TCERG1L: variants seen among roughly 807,000 people sequenced by gnomAD.
TCERG1L encodes the protein transcription elongation regulator 1-like protein.
A neutral mutation model predicts 56.3 loss-of-function variants in TCERG1L; 37 were observed. That is an observed-to-expected ratio of 0.66 (90% CI 0.51 to 0.87). The LOEUF (loss-of-function observed/expected upper bound fraction) is 0.87, where lower values mean the gene tolerates loss of function less well. TCERG1L is among the 40% of genes least tolerant of loss of function. The pLI is 0.00. For synonymous variants in TCERG1L, 324 were observed against 326.3 expected, an observed-to-expected ratio of 0.99 and a Z score of 0.08; for missense variants, 799 against 774.2, an observed-to-expected ratio of 1.03 and a Z score of -0.38.
At chr10:131,150,938 C>A (rs11017764) in intron 6 of TCERG1L, among the ~76,000 whole-genome samples, 1 of 152,080 alleles carries the variant, frequency 6.6e-6, no homozygotes, top group African/African-American at 2.4e-5. Context: ...GAATGAGTGC[C>A]AGCAGGGGAA....
Position 131,267,227 on chromosome 10 carries a change from G to A in TCERG1L, c.671-6783C>T, listed in dbSNP as rs918616320. ...GGTGCCCAAAGTCCAGAGAATCTGAGGCAGCAGGGCACTGCACATGAGCAC... is the reference window on the plus strand; with the variant it reads ...GGTGCCCAAAGTCCAGAGAATCTGAAGCAGCAGGGCACTGCACATGAGCAC... On this transcript the variant is annotated intron_variant, in intron 3 of 11. Transcript: ENST00000368642. The surrounding 1 kb of genome is among the most constrained non-coding windows in gnomAD (Gnocchi z 4.9). 6.6e-6 allele frequency among the ~76,000 whole-genome samples: 1 copy of A among 152,140 alleles called. No individual in the cohort carries two copies. Among genetic ancestry groups the A allele is most frequent in the Non-Finnish European group, 1.5e-5 (1 of 67,978 alleles).
chr10:131,160,316 A>G (rs1845963569), intron 6 of TCERG1L, among the ~76,000 whole-genome samples: 1 of 152,136 alleles, frequency 6.6e-6, no homozygotes, highest in Admixed American at 6.5e-5. Context: ...CAGACCAGGA[A>G]GGCCTGTAGG....
intron 4 of TCERG1L, among the ~76,000 whole-genome samples, chr10:131,204,491 G>A (rs1845494206): frequency 6.8e-6 from 1 of 146,130 alleles, no homozygotes; most frequent in Admixed American, 7.0e-5. Flanking sequence ...ATGCCAGAAA[G>A]CACCTGTCAA....
At chr10:131,307,192 C>A (rs371465406) in intron 3 of TCERG1L, among the ~76,000 whole-genome samples, 2 of 152,176 alleles carry the variant, frequency 1.3e-5, no homozygotes, top group African/African-American at 2.4e-5. Flanking sequence ...ATGTACCATG[C>A]TCACTCAGAT....
intron 9 of TCERG1L, among the ~76,000 whole-genome samples, chr10:131,109,094 C>T (rs1845384699): frequency 6.6e-6 from 1 of 152,070 alleles, no homozygotes; most frequent in South Asian, 2.1e-4. Flanking sequence ...GAGGGTGGTG[C>T]TTAGAACCCC....
At chr10:131,106,932 G>A (rs1170029711) in intron 9 of TCERG1L, among the ~76,000 whole-genome samples, 1 of 152,172 alleles carries the variant, frequency 6.6e-6, no homozygotes, top group African/African-American at 2.4e-5. Context: ...GGATGACCCA[G>A]GGTCCAGCTA....
At chr10:131,235,028 C>T (rs1209840906) in intron 4 of TCERG1L, among the ~76,000 whole-genome samples, 1 of 152,194 alleles carries the variant, frequency 6.6e-6, no homozygotes, top group African/African-American at 2.4e-5. Flanking sequence ...CAGAGGGCAG[C>T]TGCCACATGA....
chr10:131,259,464 G>A (rs576209882), intron 4 of TCERG1L, among the ~76,000 whole-genome samples: 3 of 152,320 alleles, frequency 2.0e-5, no homozygotes, highest in African/African-American at 7.2e-5. Flanking sequence ...TAATGGTGCT[G>A]TTCCTAAGTT....
chr10:131,276,600 G>A (rs553932564), intron 3 of TCERG1L, among the ~76,000 whole-genome samples: 2 of 152,296 alleles, frequency 1.3e-5, no homozygotes, highest in African/African-American at 4.8e-5. Context: ...TTTAGACAGC[G>A]ATGCAATCAG....
intron 3 of TCERG1L, among the ~76,000 whole-genome samples, chr10:131,302,351 A>T (rs996897522): frequency 6.7e-6 from 1 of 149,224 alleles, no homozygotes; most frequent in Admixed American, 6.6e-5. Context: ...TTTTTTTTTT[A>T]AAGGGGAGAT....
Position 131,260,523 on chromosome 10 carries a change from G to A in TCERG1L, c.671-79C>T. 7.6e-7 allele frequency: 1 copy of A among 1,310,690 alleles called. No individual in the cohort carries two copies. The highest frequency in any genetic ancestry group is 9.7e-7 in the Non-Finnish European group (1 of 1,028,396). 81.2% of individuals were successfully genotyped at this position (1,310,690 alleles called of 1,614,324 possible). ...ACAGATGCCCATCTCGCTACCGCAA[G>A]ATATCAGCCCCCAGAAAACAGGTGA... is the stretch of plus-strand genomic sequence containing the variant. On this transcript the variant is annotated intron_variant, in intron 3 of 11. Coordinates refer to ENST00000368642, the MANE Select transcript of TCERG1L (RefSeq NM_174937.4). This position sits in a 1 kb window ranked among gnomAD's most constrained non-coding sequence, Gnocchi z 5.8.
At chr10:131,158,167 A>T (rs1425858512) in intron 6 of TCERG1L, among the ~76,000 whole-genome samples, 1 of 152,258 alleles carries the variant, frequency 6.6e-6, no homozygotes, top group Non-Finnish European at 1.5e-5. Flanking sequence ...GGATTCACTG[A>T]GCTCTAGCAG....
intron 3 of TCERG1L, among the ~76,000 whole-genome samples, chr10:131,304,351 A>G (rs957447868): frequency 6.6e-6 from 1 of 151,788 alleles, no homozygotes. Context: ...GAAAACAGAG[A>G]CTCCTTGGAG....
intron 4 of TCERG1L, among the ~76,000 whole-genome samples, chr10:131,176,355 CAA>C (rs1353056456): frequency 2.0e-5 from 3 of 150,560 alleles, no homozygotes; most frequent in Non-Finnish European, 4.4e-5. Context: ...TAGGCACATA[CAA>C]AGAGGCACAT....
chr10:131,169,310 A>AC (rs397936783), intron 4 of TCERG1L, among the ~76,000 whole-genome samples: 2 of 150,984 alleles, frequency 1.3e-5, no homozygotes, highest in African/African-American at 2.4e-5. Context: ...TCATTAAAAA[A>AC]CCCAGGGCTC....
chr10:131,188,761 CAT>C (rs199750290), intron 4 of TCERG1L, among the ~76,000 whole-genome samples: 6,652 of 152,270 alleles, frequency 0.044, 163 homozygotes, highest in Middle Eastern at 0.065. Flanking sequence ...ACTATATTCA[CAT>C]GATTCAAATT....
intron 4 of TCERG1L, among the ~76,000 whole-genome samples, chr10:131,200,580 T>TTGA (rs1368208975): frequency 6.6e-6 from 1 of 152,232 alleles, no homozygotes; most frequent in African/African-American, 2.4e-5. Flanking sequence ...GATGACTTGC[T>TTGA]TGATTTCGCA....
chr10:131,130,856 C>A (rs889695300), intron 8 of TCERG1L, among the ~76,000 whole-genome samples: 1 of 151,978 alleles, frequency 6.6e-6, no homozygotes, highest in Non-Finnish European at 1.5e-5. Context: ...AGTTCAGTGG[C>A]GGAGTCACTG....
chr10:131,209,421 T>A (rs1300902788), intron 4 of TCERG1L, among the ~76,000 whole-genome samples: 1 of 149,082 alleles, frequency 6.7e-6, no homozygotes, highest in East Asian at 2.2e-4. Context: ...GATACCTGTA[T>A]ACTGTAATTA....
Sources: gnomAD v4.1 joint callset for allele counts (sites outside exome capture counted in the v4.1 genomes callset) on GRCh38, gnomAD v4.1.1 for gene constraint, Gnocchi (gnomAD v3.1) non-coding constraint, MANE v1.5 for transcripts, NCBI Gene and HGNC (gene_info 2026-07-23, HGNC 2026-07-21) for gene names.